Variants in FAH observed in about 807,000 individuals in gnomAD.
FAH encodes fumarylacetoacetase.
In FAH, 47 loss-of-function variants were observed where a neutral mutation model predicts 55.8. The ratio of observed to expected loss-of-function variants is 0.84; its 90% CI spans 0.67 to 1.07. FAH has a LOEUF of 1.07. Among genes scored for constraint, FAH ranks in the 50% least tolerant of loss-of-function variants. The pLI is 0.00. For missense variants in FAH, 495 were observed against 545.9 expected (o/e 0.91, Z 0.93); for synonymous variants, 199 against 207.7 (o/e 0.96, Z 0.36).
intron 4 of FAH, among the ~76,000 whole-genome samples, chr15:80,162,016 A>G (rs1487067033): frequency 6.6e-6 from 1 of 152,202 alleles, no homozygotes; most frequent in Non-Finnish European, 1.5e-5. Context: ...TCAGTTTCAG[A>G]AAGTCTGGAC....
At position 80,160,413 on chromosome 15, in the gene FAH, A is replaced by C; in HGVS notation, c.318A>C (p.Ala106=). 8 of 1,614,228 alleles carry C rather than the reference A, an allele frequency of 5.0e-6. No homozygotes were observed. The highest frequency in any genetic ancestry group is 6.8e-6 in the Non-Finnish European group (8 of 1,180,034). Residue 106 remains alanine, a synonymous_variant, in exon 4 of 14, where the codon GCA becomes GCC. Coordinates refer to ENST00000561421, the MANE Select transcript of FAH (RefSeq NM_000137.4). The stretch of plus-strand genomic sequence containing the variant: ...AGCCCCTGGTTCTGTGTTTCAGTGC[A>C]TTCATCTCCCAGGCTTCTGCCACGA... ...LRDDTELRKC[A]FISQASATMH... is the part of the protein sequence containing the mutation.
intron 5 of FAH, among the ~76,000 whole-genome samples, chr15:80,164,722 T>C (rs917944750): frequency 1.3e-4 from 20 of 152,212 alleles, no homozygotes; most frequent in African/African-American, 4.8e-4. Flanking sequence ...TTTGAATTAT[T>C]ACATGCCATG....
In FAH at chr15:80,168,263, G is replaced by T. The variant is rs80338895; in HGVS notation, c.554-1G>T. 320 of 1,604,106 alleles carry T rather than the reference G, an allele frequency of 2.0e-4. No individual in the cohort carries two copies. The highest frequency in any genetic ancestry group is 2.4e-4 in the Non-Finnish European group (278 of 1,175,110). On this transcript the variant is annotated splice_acceptor_variant, in intron 6 of 13. Coordinates refer to ENST00000561421, the MANE Select transcript of FAH (RefSeq NM_000137.4). LOFTEE classifies it high-confidence loss of function. ...TTTTTTTTTTTCTGGTGTTATTCCAGCTAAGCCTCCCGTATATGGTGCCTG... is the reference window on the plus strand; with the variant it reads ...TTTTTTTTTTTCTGGTGTTATTCCATCTAAGCCTCCCGTATATGGTGCCTG...
rs369462541 is a variant in FAH at position 80,173,241 on chromosome 15, G to A, written c.837+97G>A. ...GACATGCCAGGCATGCAGACCATCA[G>A]GAGGGAAGCTCTGTGCCCACGGCAT... is the stretch of plus-strand genomic sequence containing the variant. On this transcript the variant is annotated intron_variant, in intron 9 of 13. Transcript: ENST00000561421. 1,211 of 1,534,970 alleles carry A rather than the reference G, an allele frequency of 7.9e-4. 8 individuals carry two copies. The African/African-American group carries it at 0.015, about 19-fold the overall frequency.
chr15:80,180,492 G>T (rs575522604), intron 12 of FAH, among the ~76,000 whole-genome samples: 1 of 152,178 alleles, frequency 6.6e-6, no homozygotes. Flanking sequence ...GAGGAGTCAG[G>T]AGACAGTGAT....
intron 10 of FAH, among the ~76,000 whole-genome samples, chr15:80,176,441 C>T (rs1159228915): frequency 6.6e-6 from 1 of 152,228 alleles, no homozygotes; most frequent in Non-Finnish European, 1.5e-5. Context: ...CAGTACACTG[C>T]AGGAGCTGTC....
intron 13 of FAH, among the ~76,000 whole-genome samples, chr15:80,184,594 G>A (rs1193062245): frequency 6.6e-6 from 1 of 152,124 alleles, no homozygotes; most frequent in Non-Finnish European, 1.5e-5. Context: ...CACCCCAGTG[G>A]TGTGGATATT....
downstream of FAH, chr15:80,186,567 G>A (rs2041373330): frequency 5.8e-6 from 2 of 347,210 alleles, no homozygotes; most frequent in Admixed American, 8.2e-5. Context: ...CAGAGAAATA[G>A]AACCAAGGAG....
In FAH at chr15:80,168,708, G is replaced by A. The variant is rs976357350; in HGVS notation, c.606+392G>A. On this transcript the variant is annotated intron_variant, in intron 7 of 13. Coordinates refer to ENST00000561421, the MANE Select transcript of FAH (RefSeq NM_000137.4). ...AACATGTGTCCTTTGTAGTCTATTCGGTGCCATGTTTTTTGCAGATCTGTG... is the reference window on the plus strand; with the variant it reads ...AACATGTGTCCTTTGTAGTCTATTCAGTGCCATGTTTTTTGCAGATCTGTG... Among the ~76,000 whole-genome samples the A allele has an allele frequency of 3.9e-5, 6 of 152,046 alleles. No individual in the cohort carries two copies. In the South Asian group the frequency reaches 8.3e-4, roughly 21 times the overall value.
In FAH at chr15:80,180,138, G is replaced by C. The variant is rs776473288; in HGVS notation, c.975G>C (p.Thr325=). ...ATTGCCTGCAGTACATGTACTGGAC[G>C]ATGCTGCAGCAGCTCACTCACCACT... is the stretch of plus-strand genomic sequence containing the variant. ...CKSNFKYMYW[T]MLQQLTHHSV... The change falls in exon 12 of 14, where the codon ACG becomes ACC. Residue 325 remains threonine (T), a synonymous_variant. Transcript: ENST00000561421. 36 of 1,610,494 alleles carry C rather than the reference G, an allele frequency of 2.2e-5. No individual in the cohort carries two copies. Among genetic ancestry groups the C allele is most frequent in the Non-Finnish European group, 3.1e-5 (36 of 1,179,828 alleles).
chr15:80,164,638 A>G (rs2041176913), intron 5 of FAH, among the ~76,000 whole-genome samples: 1 of 152,250 alleles, frequency 6.6e-6, no homozygotes, highest in African/African-American at 2.4e-5. Flanking sequence ...ATTAGACTCC[A>G]GATTAACATT....
At chr15:80,159,160 C>A (rs2041125705) in intron 2 of FAH, among the ~76,000 whole-genome samples, 1 of 151,866 alleles carries the variant, frequency 6.6e-6, no homozygotes, top group Non-Finnish European at 1.5e-5. Flanking sequence ...ACTGCTTGAA[C>A]CTGGGAAGCA....
chr15:80,161,326 C>T (rs1464194406), intron 4 of FAH, among the ~76,000 whole-genome samples: 1 of 148,272 alleles, frequency 6.7e-6, no homozygotes, highest in African/African-American at 2.5e-5. Flanking sequence ...TCAGCTATTA[C>T]TTCTGTGCAA....
At chr15:80,179,274 T>C (rs2041310169) in intron 11 of FAH, among the ~76,000 whole-genome samples, 1 of 152,232 alleles carries the variant, frequency 6.6e-6, no homozygotes, top group Non-Finnish European at 1.5e-5. Flanking sequence ...GTTAGTCATA[T>C]GTTTATGGTT....
At chr15:80,156,490 A>G (rs756244763) in intron 1 of FAH, 6 of 152,126 alleles carry the variant, frequency 3.9e-5, no homozygotes, top group Non-Finnish European at 8.8e-5. Flanking sequence ...TTCCCCCTCT[A>G]TGTCAGGCTG....
At chr15:80,186,779 C>A, downstream of FAH, 1 of 189,098 alleles carries the variant, frequency 5.3e-6, no homozygotes, top group Non-Finnish European at 1.1e-5. Context: ...AGGCCATCAA[C>A]TGATTAGATG....
At chr15:80,167,311 G>A (rs572250993) in intron 5 of FAH, 1 of 152,534 alleles carries the variant, frequency 6.6e-6, no homozygotes, top group East Asian at 1.9e-4. Context: ...CCAGCTTCTG[G>A]GGGCTGCAGG....
rs1182835959 is a variant in FAH, at chr15:80,160,390, C to A, written c.315-20C>A. 1.2e-6 allele frequency: 2 copies of A among 1,613,972 alleles called. No homozygotes were observed. The highest frequency in any genetic ancestry group is 3.3e-5 in the Admixed American group (2 of 60,034). On this transcript the variant is annotated intron_variant, in intron 3 of 13. Coordinates refer to ENST00000561421, the MANE Select transcript of FAH (RefSeq NM_000137.4). Reference sequence around the variant, plus strand: ...CTTTGCTGCCTACTTGACTTTGAAGCCCCTGGTTCTGTGTTTCAGTGCATT... The same window carrying A: ...CTTTGCTGCCTACTTGACTTTGAAGACCCTGGTTCTGTGTTTCAGTGCATT...
At position 80,185,895 on chromosome 15, in the gene FAH, C is replaced by T. The variant is rs62006336; in HGVS notation, c.1181-235C>T. Among the ~76,000 whole-genome samples the T allele has an allele frequency of 0.15, 23,300 of 152,230 alleles. 2,237 individuals carry two copies. Among genetic ancestry groups the T allele is most frequent in the South Asian group, 0.23 (1,090 of 4,824 alleles). The stretch of plus-strand genomic sequence containing the variant: ...GGAAAGCTGTTGAGCCTTGCAGTGC[C>T]TCTGAGGATCCCTGGCTGTGGGGTG... On this transcript the variant is annotated intron_variant, in intron 13 of 13. Coordinates refer to ENST00000561421, the MANE Select transcript of FAH (RefSeq NM_000137.4).
Sources: gnomAD v4.1 joint callset for allele counts (sites outside exome capture counted in the v4.1 genomes callset) on GRCh38, gnomAD v4.1.1 for gene constraint, MANE v1.5 for transcripts, NCBI Gene and HGNC (gene_info 2026-07-23, HGNC 2026-07-21) for gene names.